Variants in PTPN13 observed in about 807,000 individuals in gnomAD.
The protein encoded by PTPN13 is tyrosine-protein phosphatase non-receptor type 13.
A neutral mutation model predicts 284.0 loss-of-function variants in PTPN13; 191 were observed. The observed-to-expected ratio is 0.67, with a 90% CI of 0.60 to 0.76. The LOEUF (loss-of-function observed/expected upper bound fraction) is 0.76, where lower values mean the gene tolerates loss of function less well. Ranked by LOEUF, PTPN13 falls within the 30% of genes least tolerant of loss-of-function variation. The probability of loss-of-function intolerance (pLI) is 0.00; values close to 1 mark genes in which losing one functional copy is unlikely to be tolerated. For synonymous variants in PTPN13, 986 were observed against 1,022.3 expected, an observed-to-expected ratio of 0.96 and a Z score of 0.68; for missense variants, 2,797 against 2,939.9, an observed-to-expected ratio of 0.95 and a Z score of 1.12.
intron 19 of PTPN13, among the ~76,000 whole-genome samples, chr4:86,752,264 C>T (rs954141578): frequency 1.3e-5 from 2 of 151,998 alleles, no homozygotes; most frequent in Non-Finnish European, 2.9e-5. Flanking sequence ...AGTTTAAAAG[C>T]TTTTTTTATT....
At chr4:86,740,249 C>G (rs1194684705) in intron 15 of PTPN13, among the ~76,000 whole-genome samples, 1 of 152,226 alleles carries the variant, frequency 6.6e-6, no homozygotes, top group Non-Finnish European at 1.5e-5. Context: ...CACAGGTTCT[C>G]CATTAGGGCC....
chr4:86,807,532 GCT>G, intron 44 of PTPN13, 26 bp from the exon 45 acceptor site: 3 of 1,526,746 alleles, frequency 2.0e-6, no homozygotes, highest in African/African-American at 1.4e-5. Flanking sequence ...GATATGGATG[GCT>G]CTGTTTTGTG....
chr4:86,782,177 T>G (rs1741395723), intron 36 of PTPN13, 24 bp from the exon 37 acceptor site: 1 of 1,560,250 alleles, frequency 6.4e-7, no homozygotes, highest in African/African-American at 1.4e-5. Context: ...GCTCATCCCC[T>G]TACTTCCTAT....
intron 17 of PTPN13, among the ~76,000 whole-genome samples, chr4:86,748,634 CTA>C (rs1737040742): frequency 6.6e-6 from 1 of 151,882 alleles, no homozygotes; most frequent in South Asian, 2.1e-4. Context: ...CTAATAAAAA[CTA>C]TATTTTGAGG....
intron 7 of PTPN13, among the ~76,000 whole-genome samples, chr4:86,715,355 A>G (rs1732900344): frequency 6.6e-6 from 1 of 152,122 alleles, no homozygotes; most frequent in South Asian, 2.1e-4. Flanking sequence ...TATTGTGTGT[A>G]TGTGTACATA....
chr4:86,661,765 A>G (rs1409587708), intron 2 of PTPN13, among the ~76,000 whole-genome samples: 1 of 152,216 alleles, frequency 6.6e-6, no homozygotes, highest in Non-Finnish European at 1.5e-5. Flanking sequence ...TGACCTTTTC[A>G]TCCAATTCTC....
intron 12 of PTPN13, among the ~76,000 whole-genome samples, chr4:86,733,686 T>G (rs896395287): frequency 5.3e-5 from 8 of 152,168 alleles, no homozygotes; most frequent in Admixed American, 1.3e-4. Context: ...ATGAAGCTGA[T>G]TCAGTTCATC....
chr4:86,631,056 G>C, intron 1 of PTPN13, among the ~76,000 whole-genome samples: 1 of 152,040 alleles, frequency 6.6e-6, no homozygotes, highest in East Asian at 1.9e-4. Context: ...TTATCATGCA[G>C]CATATAACCT....
At chr4:86,626,109 A>G (rs1377711406) in intron 1 of PTPN13, among the ~76,000 whole-genome samples, 1 of 152,132 alleles carries the variant, frequency 6.6e-6, no homozygotes, top group Non-Finnish European at 1.5e-5. Context: ...GTGAAATTAG[A>G]GATTTCCCCC....
intron 2 of PTPN13, chr4:86,661,127 C>T (rs1159095448): frequency 1.1e-5 from 5 of 453,278 alleles, no homozygotes; most frequent in Non-Finnish European, 2.2e-5. Context: ...CTAGAAGTCT[C>T]CCTCATGTTC....
intron 2 of PTPN13, among the ~76,000 whole-genome samples, chr4:86,647,820 T>A (rs1724614209): frequency 6.6e-6 from 1 of 152,038 alleles, no homozygotes; most frequent in Non-Finnish European, 1.5e-5. Flanking sequence ...AGAGAGAAGA[T>A]GGCCATCTAT....
In PTPN13 at chr4:86,803,323, GC is replaced by G. The variant is rs1184884715; in HGVS notation, c.6506-385del. On this transcript the variant is annotated intron_variant, in intron 42 of 47. Coordinates refer to ENST00000411767, the MANE Select transcript of PTPN13 (RefSeq NM_080683.3). ...AAGACCTTCCTAGCCAGGTGCAGTG[GC>G]TCACGTCTGTTATCCCAGCACTTGG... 7.2e-5 allele frequency among the ~76,000 whole-genome samples: 11 copies of G among 151,834 alleles called. No homozygotes were observed. In the East Asian group the frequency reaches 2.1e-3, roughly 29 times the overall value.
At chr4:86,677,262 G>GTC (rs1728383833) in intron 3 of PTPN13, among the ~76,000 whole-genome samples, 1 of 150,974 alleles carries the variant, frequency 6.6e-6, no homozygotes, top group Non-Finnish European at 1.5e-5. Flanking sequence ...GCAAGACTCT[G>GTC]TCTCAAAAAA....
chr4:86,716,286 A>G (rs1486938305), intron 7 of PTPN13, among the ~76,000 whole-genome samples: 2 of 152,138 alleles, frequency 1.3e-5, no homozygotes, highest in Admixed American at 1.3e-4. Context: ...TTACTTTCCT[A>G]AGGTCACACA....
Position 86,803,615 on chromosome 4 carries a change from C to G in PTPN13, c.6506-94C>G, listed in dbSNP as rs756136227. 2.1e-5 allele frequency: 27 copies of G among 1,293,972 alleles called. No individual in the cohort carries two copies. In the Admixed American group the frequency reaches 2.8e-4, roughly 13 times the overall value. The allele number at this position is 1,293,972 out of a possible 1,614,324, so 80.2% of individuals were successfully genotyped here. On this transcript the variant is annotated intron_variant, in intron 42 of 47. Coordinates refer to ENST00000411767, the MANE Select transcript of PTPN13 (RefSeq NM_080683.3). ...CTCTAAATAAATAAATAGACTTTCC[C>G]TTTTGTAAGATGAGGTGAACATAGG...
chr4:86,645,331 T>C (rs1578324893), intron 2 of PTPN13, among the ~76,000 whole-genome samples: 1 of 152,204 alleles, frequency 6.6e-6, no homozygotes, highest in African/African-American at 2.4e-5. Flanking sequence ...AGGTCAAGGG[T>C]ATCTGCTCTC....
chr4:86,690,054 C>A, intron 5 of PTPN13: 1 of 222,586 alleles, frequency 4.5e-6, no homozygotes, highest in Non-Finnish European at 8.7e-6. Context: ...AAATTCTGCA[C>A]AGTTTTTCAG....
At chr4:86,781,319 G>A (rs10013483) in intron 36 of PTPN13, among the ~76,000 whole-genome samples, 2,355 of 152,078 alleles carry the variant, frequency 0.015, 76 homozygotes, top group African/African-American at 0.054. Context: ...TCAGTCTCTT[G>A]AAAATATAAT....
At position 86,799,138 on chromosome 4, in the gene PTPN13, G is replaced by C; in HGVS notation, c.6439G>C (p.Asp2147His). The C allele has an allele frequency of 6.3e-7, 1 of 1,594,510 alleles. No homozygotes were observed. Among genetic ancestry groups the C allele is most frequent in the Non-Finnish European group, 8.5e-7 (1 of 1,171,492 alleles). Residue 2147 changes from aspartate to histidine, a missense_variant, in exon 42 of 48, where the codon GAT becomes CAT. Physicochemically the swap from Asp to His is moderately conservative, Grantham distance 81 (BLOSUM62 -1). Transcript: ENST00000411767. Reference protein sequence around the residue: ...QKPQEKKTDDDEITWGNDELP... With the variant: ...QKPQEKKTDDHEITWGNDELP... Reference sequence around the variant, plus strand: ...GCCACAAGAAAAGAAGACTGATGATGATGAAATAACATGGGGAAATGATGA... The same window carrying C: ...GCCACAAGAAAAGAAGACTGATGATCATGAAATAACATGGGGAAATGATGA...
Sources: gnomAD v4.1 joint callset for allele counts (sites outside exome capture counted in the v4.1 genomes callset) on GRCh38, gnomAD v4.1.1 for gene constraint, MANE v1.5 for transcripts, NCBI Gene and HGNC (gene_info 2026-07-23, HGNC 2026-07-21) for gene names.